VAV3: variants seen among roughly 807,000 people sequenced by gnomAD.
VAV3 encodes guanine nucleotide exchange factor VAV3.
VAV3 carries 94 observed loss-of-function variants against 131.2 expected under a neutral mutation model. That is an observed-to-expected ratio of 0.72 (90% CI 0.61 to 0.85). The LOEUF (loss-of-function observed/expected upper bound fraction) is 0.85, where lower values mean the gene tolerates loss of function less well. VAV3 is among the 40% of genes least tolerant of loss of function. VAV3 has a pLI of 0.00. For missense variants in VAV3, 939 were observed against 1,002.7 expected (o/e 0.94, Z 0.86); for synonymous variants, 349 against 342.0 (o/e 1.02, Z -0.22).
At chr1:107,678,528 T>G (rs1658379309) in intron 19 of VAV3, among the ~76,000 whole-genome samples, 1 of 152,192 alleles carries the variant, frequency 6.6e-6, no homozygotes, top group African/African-American at 2.4e-5. Context: ...GTTGTTATTT[T>G]TCTCAATGTT....
At chr1:107,598,684 T>C (rs1651592204) in intron 24 of VAV3, among the ~76,000 whole-genome samples, 3 of 152,170 alleles carry the variant, frequency 2.0e-5, no homozygotes, top group Admixed American at 2.0e-4. Context: ...CATTTGTATT[T>C]TGGTGAATTT....
At position 107,874,692 on chromosome 1, in the gene VAV3, AT is replaced by A. The variant is rs1571076661; in HGVS notation, c.321+208del. The stretch of plus-strand genomic sequence containing the variant: ...AATCTCATTTGGAAAGTTGATGCTA[AT>A]TTTTTGGTGTTGTTGTTGTATGTGT... On this transcript the variant is annotated intron_variant, in intron 2 of 26. Transcript: ENST00000370056. Among the ~76,000 whole-genome samples the A allele has an allele frequency of 2.0e-5, 3 of 149,296 alleles. No homozygotes were observed. The East Asian group carries it at 6.0e-4, about 30-fold the overall frequency.
At chr1:107,673,716 A>G (rs1657985538) in intron 19 of VAV3, 1 of 152,224 alleles carries the variant, frequency 6.6e-6, no homozygotes, top group African/African-American at 2.4e-5. Flanking sequence ...AATTCGCTCA[A>G]TGAAACAAAA....
intron 1 of VAV3, among the ~76,000 whole-genome samples, chr1:107,958,087 G>T (rs2101386763): frequency 6.6e-6 from 1 of 152,242 alleles, no homozygotes; most frequent in Non-Finnish European, 1.5e-5. Context: ...ATCCTGATTG[G>T]TATTGAGTTT....
At chr1:107,664,158 ACAAT>A (rs1453877740) in intron 19 of VAV3, among the ~76,000 whole-genome samples, 1 of 152,114 alleles carries the variant, frequency 6.6e-6, no homozygotes, top group Non-Finnish European at 1.5e-5. Flanking sequence ...CTTGTTTTGT[ACAAT>A]CACTCTTTGC....
chr1:107,866,248 T>C (rs550635112), intron 2 of VAV3, among the ~76,000 whole-genome samples: 1 of 152,262 alleles, frequency 6.6e-6, no homozygotes, highest in African/African-American at 2.4e-5. Context: ...CTCGGTCTCT[T>C]TTTCTGCCTT....
chr1:107,751,881 A>C (rs928509447), intron 12 of VAV3, among the ~76,000 whole-genome samples: 1 of 152,214 alleles, frequency 6.6e-6, no homozygotes, highest in Non-Finnish European at 1.5e-5. Context: ...AACGTTCAGA[A>C]ATTCCATTTT....
intron 12 of VAV3, among the ~76,000 whole-genome samples, chr1:107,752,923 C>T (rs1380288330): frequency 6.6e-6 from 1 of 152,066 alleles, no homozygotes; most frequent in African/African-American, 2.4e-5. Context: ...AATGACCATA[C>T]AACCCAGAAT....
chr1:107,857,851 A>T (rs1669541627), intron 2 of VAV3, among the ~76,000 whole-genome samples: 1 of 152,162 alleles, frequency 6.6e-6, no homozygotes, highest in African/African-American at 2.4e-5. Context: ...GATCAGCTGG[A>T]GTTCGAGAGA....
At chr1:107,750,929 T>C (rs1480359486) in intron 13 of VAV3, among the ~76,000 whole-genome samples, 188 bp downstream of exon 13, 5 of 152,312 alleles carry the variant, frequency 3.3e-5, no homozygotes, top group Middle Eastern at 6.8e-3. Context: ...AACTAATAGA[T>C]ACCAGAACCC....
intron 20 of VAV3, among the ~76,000 whole-genome samples, chr1:107,634,526 A>G (rs900537464): frequency 2.0e-5 from 3 of 152,170 alleles, no homozygotes; most frequent in Non-Finnish European, 4.4e-5. Context: ...ACCCTAGAAG[A>G]AAACCTAGGC....
At chr1:107,877,089 G>T (rs1269612779) in intron 1 of VAV3, among the ~76,000 whole-genome samples, 2 of 152,044 alleles carry the variant, frequency 1.3e-5, no homozygotes, top group Non-Finnish European at 2.9e-5. Flanking sequence ...TTTCAGGAGG[G>T]ATTAAAACCA....
chr1:107,714,655 T>C (rs1431428994), intron 15 of VAV3, among the ~76,000 whole-genome samples: 1 of 152,050 alleles, frequency 6.6e-6, no homozygotes, highest in East Asian at 1.9e-4. Flanking sequence ...CATAGCATAC[T>C]AATTATGCTG....
At chr1:107,653,663 G>C (rs1447155811) in intron 19 of VAV3, among the ~76,000 whole-genome samples, 2 of 152,094 alleles carry the variant, frequency 1.3e-5, no homozygotes, top group Non-Finnish European at 2.9e-5. Flanking sequence ...CATGAGCAGA[G>C]TGAATATATA....
intron 1 of VAV3, among the ~76,000 whole-genome samples, chr1:107,939,865 C>T (rs922765713): frequency 1.3e-5 from 2 of 152,002 alleles, no homozygotes; most frequent in Non-Finnish European, 2.9e-5. Flanking sequence ...CCCCCATGCA[C>T]CAGAAAGAAG....
intron 20 of VAV3, among the ~76,000 whole-genome samples, chr1:107,642,264 C>T (rs1655398259): frequency 6.6e-6 from 1 of 152,076 alleles, no homozygotes; most frequent in African/African-American, 2.4e-5. Flanking sequence ...CCGGCTAAAT[C>T]CTACCAAAAC....
intron 20 of VAV3, among the ~76,000 whole-genome samples, chr1:107,636,938 CA>C (rs1654974351): frequency 6.6e-6 from 1 of 151,824 alleles, no homozygotes; most frequent in South Asian, 2.1e-4. Flanking sequence ...AACGAACTAG[CA>C]AAAGAAGAGC....
chr1:107,950,137 A>G (rs1298106824), intron 1 of VAV3, among the ~76,000 whole-genome samples: 1 of 151,722 alleles, frequency 6.6e-6, no homozygotes, highest in East Asian at 1.9e-4. Context: ...AAACAAAAAA[A>G]AAGTACTTCT....
chr1:107,958,983 G>T (rs77365194), intron 1 of VAV3, among the ~76,000 whole-genome samples: 1 of 152,024 alleles, frequency 6.6e-6, no homozygotes, highest in Non-Finnish European at 1.5e-5. Flanking sequence ...TATCTAGGCC[G>T]GGCACAGTGG....
Sources: allele counts gnomAD v4.1 joint callset (sites outside exome capture counted in the v4.1 genomes callset), GRCh38; gene constraint gnomAD v4.1.1; transcripts MANE v1.5; gene names NCBI Gene and HGNC (gene_info 2026-07-23, HGNC 2026-07-21).